ZNF148: variants seen among roughly 807,000 people sequenced by gnomAD.
The protein encoded by ZNF148 is Beta-Enolase Repressor Factor-1.
ZNF148 carries 7 observed loss-of-function variants against 67.7 expected under a neutral mutation model. That is an observed-to-expected ratio of 0.10 (90% CI 0.06 to 0.19). ZNF148 has a LOEUF of 0.19. Ranked by LOEUF, ZNF148 falls within the 10% of genes least tolerant of loss-of-function variation. ZNF148 has a pLI of 1.00. For synonymous variants in ZNF148, 333 were observed against 330.7 expected (o/e 1.01, Z -0.08); for missense variants, 583 against 947.1 (o/e 0.62, Z 5.05).
chr3:125,322,098 C>G (rs1181576807), intron 3 of ZNF148, among the ~76,000 whole-genome samples: 2 of 133,208 alleles, frequency 1.5e-5, no homozygotes, highest in African/African-American at 5.9e-5. Context: ...GGTGCCATCT[C>G]AGCTCACTGC....
At chr3:125,271,011 C>T (rs1419143616) in intron 7 of ZNF148, among the ~76,000 whole-genome samples, 1 of 152,144 alleles carries the variant, frequency 6.6e-6, no homozygotes, top group Non-Finnish European at 1.5e-5. Context: ...TTGATTAATA[C>T]ATTTGTAATT....
chr3:125,241,556 A>G (rs533194972), intron 7 of ZNF148, among the ~76,000 whole-genome samples: 1 of 152,206 alleles, frequency 6.6e-6, no homozygotes, highest in East Asian at 1.9e-4. Context: ...CCTTCAGTCA[A>G]CAATGTATTT....
intron 1 of ZNF148, among the ~76,000 whole-genome samples, chr3:125,349,824 G>A (rs752099581): frequency 1.3e-5 from 2 of 152,168 alleles, no homozygotes; most frequent in Admixed American, 6.5e-5. Flanking sequence ...TCAGATGACA[G>A]AGCCAGACCC....
In ZNF148 at chr3:125,232,865, C is replaced by T; in HGVS notation, c.1861G>A (p.Ala621Thr). The change falls in exon 9 of 9, where the codon GCC (alanine) becomes ACC (threonine). Residue 621 changes from alanine (A) to threonine (T), a missense_variant. Physicochemically the swap from Ala to Thr is moderately conservative, Grantham distance 58 (BLOSUM62 0). Around this residue, in one of 5 missense-constraint regions of ZNF148, gnomAD observed 158 missense variants for 208.4 expected, o/e 0.76. Coordinates refer to ENST00000360647, the MANE Select transcript of ZNF148 (RefSeq NM_021964.3). This position sits in a 1 kb window ranked among gnomAD's most constrained non-coding sequence, Gnocchi z 4.2. ...QALDRTSQND[A>T]YLNSPSLNFV... ...TTAAGGCTCGGGCTATTCAAATAGG[C>T]ATCATTTTGGCTAGTTCTGTCCAAA... is the stretch of plus-strand genomic sequence containing the variant. The T allele has an allele frequency of 1.2e-6, 2 of 1,613,806 alleles. No individual in the cohort carries two copies. Among genetic ancestry groups the T allele is most frequent in the Non-Finnish European group, 1.7e-6 (2 of 1,179,794 alleles).
intron 4 of ZNF148, among the ~76,000 whole-genome samples, chr3:125,296,970 AAG>A (rs956562181): frequency 2.6e-5 from 4 of 152,056 alleles, no homozygotes; most frequent in Non-Finnish European, 4.4e-5. Flanking sequence ...AAAACAAAAA[AAG>A]AAACATTAAA....
intron 5 of ZNF148, among the ~76,000 whole-genome samples, chr3:125,279,886 T>G (rs1416786273): frequency 2.0e-5 from 3 of 152,082 alleles, no homozygotes; most frequent in African/African-American, 7.2e-5. Flanking sequence ...GTATATAACC[T>G]TGATTGTGAT....
chr3:125,243,885 T>G (rs1471240414), intron 7 of ZNF148, among the ~76,000 whole-genome samples: 1 of 152,108 alleles, frequency 6.6e-6, no homozygotes, highest in South Asian at 2.1e-4. Context: ...CTGAGAAAAA[T>G]AAAAACACTT....
Position 125,331,446 on chromosome 3 carries a change from CAAT to C in ZNF148, c.-233-211_-233-209del, listed in dbSNP as rs1402489386. Among the ~76,000 whole-genome samples the C allele has an allele frequency of 3.9e-5, 6 of 152,318 alleles. No individual in the cohort carries two copies. The South Asian group carries it at 6.2e-4, about 16-fold the overall frequency. The stretch of plus-strand genomic sequence containing the variant: ...CATCAAATGCTAAATGATATCACAA[CAAT>C]GACTCACATACAAATTGGACTTTTT... On this transcript the variant is annotated intron_variant, in intron 1 of 8. Coordinates refer to ENST00000360647, the MANE Select transcript of ZNF148 (RefSeq NM_021964.3).
chr3:125,358,207 G>A (rs1011310830), intron 1 of ZNF148, among the ~76,000 whole-genome samples: 1 of 152,148 alleles, frequency 6.6e-6, no homozygotes, highest in African/African-American at 2.4e-5. Flanking sequence ...CAGTTATTCA[G>A]GAGGCTGAGA....
intron 7 of ZNF148, among the ~76,000 whole-genome samples, chr3:125,241,963 C>T (rs761138982): frequency 6.6e-6 from 1 of 152,182 alleles, no homozygotes; most frequent in Non-Finnish European, 1.5e-5. Flanking sequence ...AACATTATCT[C>T]AGCAGGAGGT....
At chr3:125,304,964 T>C (rs1199617650) in intron 4 of ZNF148, among the ~76,000 whole-genome samples, 2 of 152,208 alleles carry the variant, frequency 1.3e-5, no homozygotes, top group African/African-American at 4.8e-5. Context: ...TGACGAGATA[T>C]GTCCAAGAAC....
intron 1 of ZNF148, chr3:125,357,136 T>C (rs1217208797): frequency 1.3e-5 from 2 of 152,138 alleles, no homozygotes; most frequent in Non-Finnish European, 2.9e-5. Flanking sequence ...TCACAAAGTT[T>C]CCCATCCCGT....
intron 1 of ZNF148, among the ~76,000 whole-genome samples, chr3:125,338,328 G>T (rs1247597201): frequency 6.6e-6 from 1 of 152,116 alleles, no homozygotes; most frequent in Non-Finnish European, 1.5e-5. Context: ...AGGTACATAT[G>T]TATATAATCA....
In ZNF148 at chr3:125,229,232, T is replaced by C. The variant is rs1344689924; in HGVS notation, c.*3109A>G. On this transcript the variant is annotated 3_prime_UTR_variant, in exon 9 of 9. Transcript: ENST00000360647. ...TTTTTTTTTTTTTTAAACAGCCCTT[T>C]AAAAACCCAAATTAATCAAATGAAA... 1 of 149,536 alleles carries C rather than the reference T, an allele frequency of 6.7e-6. No homozygotes were observed. Among genetic ancestry groups the C allele is most frequent in the African/African-American group, 2.5e-5 (1 of 40,340 alleles). The allele number at this position is 149,536 out of a possible 1,614,324, so 9.3% of individuals were successfully genotyped here.
At chr3:125,350,939 G>A (rs1942125904) in intron 1 of ZNF148, among the ~76,000 whole-genome samples, 1 of 152,192 alleles carries the variant, frequency 6.6e-6, no homozygotes, top group South Asian at 2.1e-4. Flanking sequence ...GTCACAGGAG[G>A]CCAAATACTG....
chr3:125,243,679 T>C (rs978777116), intron 7 of ZNF148, among the ~76,000 whole-genome samples: 4 of 152,026 alleles, frequency 2.6e-5, no homozygotes, highest in African/African-American at 9.7e-5. Flanking sequence ...TGCACCACCA[T>C]GCCCAGCTAA....
chr3:125,358,042 G>A (rs530379317), intron 1 of ZNF148, among the ~76,000 whole-genome samples: 9 of 152,202 alleles, frequency 5.9e-5, no homozygotes, highest in African/African-American at 1.9e-4. Flanking sequence ...ACCGGCGCGG[G>A]GACTCAGGCC....
intron 7 of ZNF148, among the ~76,000 whole-genome samples, chr3:125,243,519 T>C (rs1226793377): frequency 6.6e-6 from 1 of 152,122 alleles, no homozygotes; most frequent in Non-Finnish European, 1.5e-5. Context: ...CTTTCGTATG[T>C]TTCTGATTCT....
intron 2 of ZNF148, among the ~76,000 whole-genome samples, chr3:125,330,778 ATCT>A (rs1231011916): frequency 1.1e-4 from 16 of 152,278 alleles, no homozygotes; most frequent in Non-Finnish European, 1.8e-4. Flanking sequence ...ACTGTTAGAT[ATCT>A]TCTTTCATGT....
Sources: gnomAD v4.1 joint callset for allele counts (sites outside exome capture counted in the v4.1 genomes callset) on GRCh38, gnomAD v4.1.1 for gene constraint, gnomAD v4.1.1 regional missense constraint, Gnocchi (gnomAD v3.1) non-coding constraint, MANE v1.5 for transcripts, NCBI Gene and HGNC (gene_info 2026-07-23, HGNC 2026-07-21) for gene names.